FHAD1: variants seen among roughly 807,000 people sequenced by gnomAD.
FHAD1 encodes the protein forkhead associated phosphopeptide binding domain 1.
Under a neutral mutation model 191.3 loss-of-function variants are expected in FHAD1, and 146 were observed. The ratio of observed to expected loss-of-function variants is 0.76; its 90% CI spans 0.67 to 0.88. The LOEUF (loss-of-function observed/expected upper bound fraction) is 0.88, where lower values mean the gene tolerates loss of function less well. Among genes scored for constraint, FHAD1 ranks in the 40% least tolerant of loss-of-function variants. FHAD1 has a pLI of 0.00. For synonymous variants in FHAD1, 616 were observed against 672.3 expected (o/e 0.92, Z 1.29); for missense variants, 1,635 against 1,785.8 (o/e 0.92, Z 1.52).
chr1:15,317,707 C>A, intron 9 of FHAD1, 117 bp from the exon 10 acceptor site: 3 of 646,454 alleles, frequency 4.6e-6, no homozygotes, highest in South Asian at 2.0e-5. Context: ...TGATACCAGA[C>A]AAGGTTTCCA....
intron 3 of FHAD1, among the ~76,000 whole-genome samples, chr1:15,285,249 A>G (rs1662017872): frequency 6.6e-6 from 1 of 152,200 alleles, no homozygotes; most frequent in South Asian, 2.1e-4. Context: ...AAAACAAACA[A>G]TGCCGGGCGC....
At chr1:15,326,733 G>A (rs1048107716) in intron 11 of FHAD1, 11 of 214,198 alleles carry the variant, frequency 5.1e-5, no homozygotes, top group Admixed American at 1.2e-4. Flanking sequence ...TAGCAATTAC[G>A]GAAGAGCGCT....
At chr1:15,301,552 G>C in intron 6 of FHAD1, 111 bp downstream of exon 6, 1 of 820,912 alleles carries the variant, frequency 1.2e-6, no homozygotes, top group Non-Finnish European at 1.9e-6. Flanking sequence ...GGTCAGTGGA[G>C]CATGGTGGTT....
intron 24 of FHAD1, 28 bp from the exon 25 acceptor site, chr1:15,367,435 C>G (rs1327326106): frequency 6.5e-7 from 1 of 1,545,934 alleles, no homozygotes; most frequent in East Asian, 2.5e-5. Context: ...GGCAGAGACC[C>G]CCTTACCGGC....
Position 15,290,176 on chromosome 1 carries a change from GGCTGGTGA to G in FHAD1, c.568+514_568+521del, listed in dbSNP as rs1355663264. ...CTAATGTTTTTCAGTCCCATTTAAA[GGCTGGTGA>G]GCTCGGTGACAGCCCACTCACAACC... On this transcript the variant is annotated intron_variant, in intron 4 of 33. Coordinates refer to ENST00000688493, the MANE Select transcript of FHAD1 (RefSeq NM_001391957.1). 1.4e-4 allele frequency among the ~76,000 whole-genome samples: 22 copies of G among 152,262 alleles called. 1 individual carries two copies. In the South Asian group the frequency reaches 4.6e-3, roughly 32 times the overall value.
chr1:15,321,760 C>T (rs1287437249), intron 10 of FHAD1, among the ~76,000 whole-genome samples: 1 of 152,124 alleles, frequency 6.6e-6, no homozygotes, highest in African/African-American at 2.4e-5. Context: ...TGTGCAAGCA[C>T]GTGTGTGCAT....
At chr1:15,274,366 G>A (rs1413212823) in intron 3 of FHAD1, among the ~76,000 whole-genome samples, 4 of 152,184 alleles carry the variant, frequency 2.6e-5, no homozygotes, top group Admixed American at 6.5e-5. Flanking sequence ...CCAGCACTTT[G>A]GGAGGCCGAG....
At chr1:15,353,012 G>A in intron 20 of FHAD1, 28 bp downstream of exon 20, 1 of 1,492,628 alleles carries the variant, frequency 6.7e-7, no homozygotes, top group Non-Finnish European at 9.1e-7. Context: ...GGAGAGACGA[G>A]AGGGGCCCAG....
chr1:15,264,913 C>T (rs1276254581), intron 2 of FHAD1, among the ~76,000 whole-genome samples: 1 of 151,682 alleles, frequency 6.6e-6, no homozygotes, highest in Admixed American at 6.6e-5. Context: ...AGTGCTTTTT[C>T]TCCATCAGTC....
intron 16 of FHAD1, among the ~76,000 whole-genome samples, chr1:15,342,421 C>T (rs574185613): frequency 1.3e-4 from 20 of 152,238 alleles, no homozygotes; most frequent in Middle Eastern, 6.8e-3. Flanking sequence ...AGGCCTGAGA[C>T]GCTACATTTT....
intron 19 of FHAD1, among the ~76,000 whole-genome samples, chr1:15,350,478 G>A (rs1274103943): frequency 6.6e-6 from 1 of 152,250 alleles, no homozygotes; most frequent in Non-Finnish European, 1.5e-5. Context: ...AGACGGGGGA[G>A]ACTGTGTGAG....
intron 8 of FHAD1, among the ~76,000 whole-genome samples, chr1:15,315,549 G>A (rs1001540615): frequency 4.8e-5 from 7 of 145,958 alleles, no homozygotes; most frequent in Admixed American, 2.1e-4. Flanking sequence ...GCAGTGGCGC[G>A]ATCTCAGCTC....
intron 2 of FHAD1, among the ~76,000 whole-genome samples, chr1:15,261,541 A>G (rs1573744564): frequency 6.6e-6 from 1 of 152,266 alleles, no homozygotes; most frequent in South Asian, 2.1e-4. Context: ...CTCTCAGAGT[A>G]GCACTGATTC....
chr1:15,330,725 G>A (rs551902830), intron 14 of FHAD1, among the ~76,000 whole-genome samples: 121 of 152,202 alleles, frequency 7.9e-4, no homozygotes, highest in Non-Finnish European at 1.5e-3. Flanking sequence ...AGCATGGAGA[G>A]CACAAGGGGC....
chr1:15,349,375 G>A (rs1017090882), intron 19 of FHAD1, among the ~76,000 whole-genome samples: 2 of 152,232 alleles, frequency 1.3e-5, no homozygotes. Context: ...CATCGGATTA[G>A]ATGCTCTCAG....
chr1:15,377,411 G>A (rs1699921429), intron 28 of FHAD1, among the ~76,000 whole-genome samples: 1 of 152,174 alleles, frequency 6.6e-6, no homozygotes, highest in African/African-American at 2.4e-5. Flanking sequence ...TCCCACCACA[G>A]ACTGACCCGC....
intron 10 of FHAD1, among the ~76,000 whole-genome samples, chr1:15,322,971 C>T (rs182303936): frequency 4.8e-4 from 73 of 152,200 alleles, no homozygotes; most frequent in Admixed American, 4.3e-3. Context: ...TCTTACATGG[C>T]GGTGGCAAGG....
rs1688331281 is a variant in FHAD1, at chr1:15,345,068, G to T, written c.2131-15G>T. On this transcript the variant is annotated splice_polypyrimidine_tract_variant and intron_variant, in intron 16 of 33. Transcript: ENST00000688493. ...TGGTAACCATGTCTGTTAAACAATG[G>T]TCATTGGTTTCCAGGCTTTGGAGGA... 2.6e-6 allele frequency: 4 copies of T among 1,541,100 alleles called. No homozygotes were observed. Among genetic ancestry groups the T allele is most frequent in the Non-Finnish European group, 3.5e-6 (4 of 1,137,940 alleles).
intron 2 of FHAD1, 59 bp from the exon 3 acceptor site, chr1:15,272,264 A>G: frequency 1.3e-6 from 2 of 1,483,806 alleles, no homozygotes; most frequent in Non-Finnish European, 1.8e-6. Context: ...AGCTCAAAAC[A>G]TTAGGGGCCG....
Sources: allele counts gnomAD v4.1 joint callset (sites outside exome capture counted in the v4.1 genomes callset), GRCh38; gene constraint gnomAD v4.1.1; transcripts MANE v1.5; gene names NCBI Gene and HGNC (gene_info 2026-07-23, HGNC 2026-07-21).